Variants in PC observed in about 807,000 individuals in gnomAD.
The protein encoded by PC is pyruvate carboxylase, also known as pyruvate carboxylase, mitochondrial.
A neutral mutation model predicts 107.8 loss-of-function variants in PC; 46 were observed. The ratio of observed to expected loss-of-function variants is 0.43; its 90% CI spans 0.34 to 0.55. PC has a LOEUF of 0.55. Ranked by LOEUF, PC falls within the 20% of genes least tolerant of loss-of-function variation. The probability of loss-of-function intolerance (pLI) is 0.04; values close to 1 mark genes in which losing one functional copy is unlikely to be tolerated. For synonymous variants in PC, 662 were observed against 684.7 expected (o/e 0.97, Z 0.52); for missense variants, 1,241 against 1,643.1 (o/e 0.76, Z 4.23).
intron 3 of PC, among the ~76,000 whole-genome samples, chr11:66,919,438 C>T (rs777783442): frequency 1.3e-5 from 2 of 152,150 alleles, no homozygotes; most frequent in South Asian, 2.1e-4. Flanking sequence ...ATTATCCCTT[C>T]GCCCACACCC....
At chr11:66,875,527 C>T (rs1946941281) in intron 3 of PC, among the ~76,000 whole-genome samples, 1 of 152,030 alleles carries the variant, frequency 6.6e-6, no homozygotes, top group Non-Finnish European at 1.5e-5. Flanking sequence ...CGTCTTCAGG[C>T]CCACTGGAGT....
At chr11:66,873,524 AT>A (rs869240882) in intron 3 of PC, among the ~76,000 whole-genome samples, 3 of 93,438 alleles carry the variant, frequency 3.2e-5, no homozygotes, top group Non-Finnish European at 5.9e-5. Flanking sequence ...TATATTATAT[AT>A]TATAATATAT....
intron 12 of PC, among the ~76,000 whole-genome samples, chr11:66,856,030 C>CTT (rs72516068): frequency 1.9e-5 from 1 of 52,978 alleles, no homozygotes; most frequent in African/African-American, 1.6e-4. Flanking sequence ...TGGTGACTTC[C>CTT]TGTTTCCCAA....
chr11:66,928,984 T>A (rs1948783919), intron 3 of PC, among the ~76,000 whole-genome samples: 1 of 152,194 alleles, frequency 6.6e-6, no homozygotes, highest in African/African-American at 2.4e-5. Context: ...GGCCTGTGTA[T>A]GATTCCTGCT....
rs962105375 is a variant in PC, at chr11:66,849,413, G to T, written c.3148-43C>A. On this transcript the variant is annotated intron_variant, in intron 21 of 22. Transcript: ENST00000393960. ...AGACTCAGAGCTGGACGCCAAGGTG[G>T]GAGAGCAGTCCCCCGGCCCTGGCCA... The T allele has an allele frequency of 1.9e-6, 3 of 1,610,322 alleles. No individual in the cohort carries two copies. The Admixed American group carries it at 5.0e-5, about 27-fold the overall frequency.
intron 3 of PC, among the ~76,000 whole-genome samples, chr11:66,945,902 A>G (rs201078861): frequency 1.4e-5 from 2 of 146,982 alleles, no homozygotes; most frequent in Non-Finnish European, 1.5e-5. Context: ...CTGGCTAACA[A>G]GGTGAAACCC....
At chr11:66,899,893 T>C (rs993809285) in intron 3 of PC, among the ~76,000 whole-genome samples, 4 of 152,348 alleles carry the variant, frequency 2.6e-5, no homozygotes, top group African/African-American at 7.2e-5. Flanking sequence ...TTTAGGTCTT[T>C]GGTCCATTTT....
In PC at chr11:66,868,405, T is replaced by C. The variant is rs368489642; in HGVS notation, c.1022+441A>G. Among the ~76,000 whole-genome samples, 92 of 152,318 alleles carry C rather than the reference T, an allele frequency of 6.0e-4. 1 individual carries two copies. Among genetic ancestry groups the C allele is most frequent in the Non-Finnish European group, 1.0e-3 (68 of 68,018 alleles). On this transcript the variant is annotated intron_variant, in intron 10 of 22. Transcript: ENST00000393960. ...AATAATTTGAAAAGTAGAATAAAAA[T>C]TCTATATAAAACATCTCTATTGCAT...
chr11:66,938,245 GAATAAATGTGTCTT>G (rs375196453), intron 3 of PC, among the ~76,000 whole-genome samples: 16 of 152,132 alleles, frequency 1.1e-4, no homozygotes, highest in African/African-American at 3.9e-4. Context: ...GATTTTTCCT[GAATAAATGTGTCTT>G]AGATTGTTGC....
chr11:66,858,834 G>C lies in PC; in HGVS notation c.1368+4940C>G, dbSNP rs1188687277. The C allele has an allele frequency of 6.4e-7, 1 of 1,551,892 alleles. No homozygotes were observed. Among genetic ancestry groups the C allele is most frequent in the Non-Finnish European group, 8.7e-7 (1 of 1,149,298 alleles). ...CCCTGCTGGTGAGGCCACAGCCCGA[G>C]TAGAACTGCGGGTGCTGGCCTTGCC... On this transcript the variant is annotated intron_variant, in intron 12 of 22. Coordinates refer to ENST00000393960, the MANE Select transcript of PC (RefSeq NM_001040716.2). The surrounding 1 kb of genome is among the most constrained non-coding windows in gnomAD (Gnocchi z 5.9).
chr11:66,853,921 C>T (rs1308170192), intron 12 of PC, among the ~76,000 whole-genome samples: 1 of 152,258 alleles, frequency 6.6e-6, no homozygotes, highest in African/African-American at 2.4e-5. Context: ...GCTGTGGCGC[C>T]AGTGACAGGC....
intron 3 of PC, among the ~76,000 whole-genome samples, chr11:66,922,710 CCAGCAACA>C (rs769770223): frequency 7.9e-5 from 12 of 152,126 alleles, no homozygotes; most frequent in Non-Finnish European, 1.3e-4. Flanking sequence ...CACATGGCTG[CCAGCAACA>C]CAGCAACACA....
chr11:66,898,544 G>A (rs1206165138), intron 3 of PC, among the ~76,000 whole-genome samples: 1 of 152,150 alleles, frequency 6.6e-6, no homozygotes, highest in East Asian at 1.9e-4. Context: ...GCTGGGCGTG[G>A]TGGCAGGCAC....
Position 66,850,239 on chromosome 11 carries a change from A to G in PC, c.2699T>C (p.Met900Thr). 1 of 1,614,042 alleles carries G rather than the reference A, an allele frequency of 6.2e-7. No homozygotes were observed. Among genetic ancestry groups the G allele is most frequent in the Non-Finnish European group, 8.5e-7 (1 of 1,180,020 alleles). ...GCTCACCTTGATGAGATCGCCCAGC[A>G]TCTGGTTGGCCTCCACATAGGCCTT... The part of the protein sequence containing the change: ...VKKAYVEANQ[M>T]LGDLIKVTPS... Residue 900 changes from methionine to threonine, a missense_variant, in exon 19 of 23, where the codon ATG becomes ACG. Met to Thr is a moderately conservative substitution (Grantham distance 81). Transcript: ENST00000393960.
intron 3 of PC, among the ~76,000 whole-genome samples, chr11:66,877,318 G>A (rs1013007451): frequency 9.2e-5 from 14 of 152,156 alleles, no homozygotes; most frequent in Admixed American, 5.2e-4. Context: ...CCTGTGAGGC[G>A]GAAGTTGCAG....
At chr11:66,928,550 A>T (rs1948774731) in intron 3 of PC, among the ~76,000 whole-genome samples, 1 of 151,852 alleles carries the variant, frequency 6.6e-6, no homozygotes, top group Non-Finnish European at 1.5e-5. Context: ...TTTGAGACAG[A>T]GTCTCGCTCT....
rs540290368 is a variant in PC at position 66,957,143 on chromosome 11, G to A, written c.-228+1179C>T. ...ATCACATACAGGGAAAGGGTGCCTT[G>A]GGGGAGGCCAGCCAGGGCTGATGGT... On this transcript the variant is annotated intron_variant, in intron 1 of 22. Coordinates refer to ENST00000393960, the MANE Select transcript of PC (RefSeq NM_001040716.2). Among the ~76,000 whole-genome samples, 8 of 152,346 alleles carry A rather than the reference G, an allele frequency of 5.3e-5. No homozygotes were observed. The South Asian group carries it at 1.7e-3, about 32-fold the overall frequency.
intron 1 of PC, among the ~76,000 whole-genome samples, chr11:66,956,071 C>T (rs1949554944): frequency 6.6e-6 from 1 of 152,076 alleles, no homozygotes; most frequent in Non-Finnish European, 1.5e-5. Context: ...CGCGCCCAGC[C>T]CCGTCTACCT....
At position 66,924,979 on chromosome 11, in the gene PC, T is replaced by C. The variant is rs183678668; in HGVS notation, c.-1+27451A>G. Among the ~76,000 whole-genome samples, 806 of 152,232 alleles carry C rather than the reference T, an allele frequency of 5.3e-3. 5 individuals carry two copies. The highest frequency in any genetic ancestry group is 0.018 in the African/African-American group (761 of 41,534). ...AGGGGAGACATCACATGTTGGCAGG[T>C]TCCGTGATGCCCCCCAGCCATAAAA... is the stretch of plus-strand genomic sequence containing the variant. On this transcript the variant is annotated intron_variant, in intron 3 of 22. Transcript: ENST00000393960.
Sources: allele counts gnomAD v4.1 joint callset (sites outside exome capture counted in the v4.1 genomes callset), GRCh38; gene constraint gnomAD v4.1.1; non-coding constraint Gnocchi (gnomAD v3.1); transcripts MANE v1.5; gene names NCBI Gene and HGNC (gene_info 2026-07-23, HGNC 2026-07-21).